The following GPR174 variants were observed in gnomAD, a reference collection of about 807,000 sequenced individuals.
GPR174 encodes the protein G protein-coupled receptor 174.
Under a neutral mutation model 16.5 loss-of-function variants are expected in GPR174, and 8 were observed. The observed-to-expected ratio is 0.48, with a 90% CI of 0.28 to 0.87. The LOEUF is 0.87. Ranked by LOEUF, GPR174 falls within the 40% of genes least tolerant of loss-of-function variation. The probability of loss-of-function intolerance (pLI) is 0.09; values close to 1 mark genes in which losing one functional copy is unlikely to be tolerated. For missense variants in GPR174, 214 were observed against 247.5 expected (o/e 0.86, Z 0.91); for synonymous variants, 111 against 94.8 (o/e 1.17, Z -0.99).
chrX:79,163,389 C>T (rs988427589), intron 2 of GPR174, among the ~76,000 whole-genome samples: 3 of 111,906 alleles, frequency 2.7e-5, no homozygotes, highest in Non-Finnish European at 5.6e-5. Flanking sequence ...AGGATATTTA[C>T]TAGTCTATTA....
At position 79,171,905 on chromosome X, in the gene GPR174, C is replaced by T. The variant is rs1034493027; in HGVS notation, c.898C>T (p.Arg300Ter). 4 of 1,210,577 alleles carry T rather than the reference C, an allele frequency of 3.3e-6. No homozygotes were observed. Among genetic ancestry groups the T allele is most frequent in the Non-Finnish European group, 4.5e-6 (4 of 894,999 alleles). Residue 300 changes from arginine (R) to a stop codon, truncating the protein, a stop_gained, in exon 3 of 3, where the codon CGA becomes TGA. Coordinates refer to ENST00000645147, the MANE Select transcript of GPR174 (RefSeq NM_032553.3). LOFTEE classifies it high-confidence loss of function. The part of the protein sequence containing the change: ...VIYYFSTNEF[R>*]RRLSRQDLHD... ...ATACTACTTTTCCACTAATGAGTTC[C>T]GAAGACGGCTTTCAAGACAAGATTT...
rs1021040242 is a variant in GPR174 at position 79,173,123 on chromosome X, C to T, written c.*1114C>T. 2.8e-4 allele frequency: 31 copies of T among 111,975 alleles called. 1 individual carries two copies. Among genetic ancestry groups the T allele is most frequent in the Admixed American group, 2.6e-3 (27 of 10,545 alleles). 9.2% of individuals were successfully genotyped at this position (111,975 alleles called of 1,213,427 possible). A position where few individuals can be genotyped will look rare whatever the true frequency, so the allele number is the denominator to read the frequency against. On this transcript the variant is annotated 3_prime_UTR_variant, in exon 3 of 3. Transcript: ENST00000645147. Reference sequence around the variant, plus strand: ...ACACAAGCCAGAGTAAGTCTCTCTGCCCCATCATTGCATACATATTACAGT... The same window carrying T: ...ACACAAGCCAGAGTAAGTCTCTCTGTCCCATCATTGCATACATATTACAGT...
At chrX:79,151,276 C>T (rs1223509757) in intron 1 of GPR174, among the ~76,000 whole-genome samples, 1 of 111,498 alleles carries the variant, frequency 9.0e-6, no homozygotes, top group Non-Finnish European at 1.9e-5. Flanking sequence ...TTTGCTTTCT[C>T]CATTTTACAG....
At position 79,171,967 on chromosome X, in the gene GPR174, G is replaced by C; in HGVS notation, c.960G>C (p.Val320=). 8.3e-7 allele frequency: 1 copy of C among 1,205,125 alleles called. No individual in the cohort carries two copies. Among genetic ancestry groups the C allele is most frequent in the South Asian group, 1.8e-5 (1 of 55,375 alleles). The change falls in exon 3 of 3, where the codon GTG becomes GTC. Residue 320 remains valine (V), a synonymous_variant. Transcript: ENST00000645147. ...TCCAACTCCATGCAAAATCCTTTGT[G>C]AGTAACCATACAGCTTCCACCATGA... ...DSIQLHAKSF[V]SNHTASTMTP... is the part of the protein sequence containing the mutation.
intron 2 of GPR174, among the ~76,000 whole-genome samples, chrX:79,163,999 T>G (rs769659166): frequency 9.0e-6 from 1 of 111,718 alleles, no homozygotes. Flanking sequence ...TCAATATATA[T>G]GATGCCATCT....
At chrX:79,149,902 C>A (rs1283940877) in intron 1 of GPR174, among the ~76,000 whole-genome samples, 1 of 103,491 alleles carries the variant, frequency 9.7e-6, no homozygotes, top group Non-Finnish European at 2.0e-5. Context: ...GAGAAAAGGG[C>A]TGTTTTTCAG....
chrX:79,161,837 T>C (rs1921240982), intron 2 of GPR174, among the ~76,000 whole-genome samples: 1 of 112,011 alleles, frequency 8.9e-6, no homozygotes, highest in South Asian at 3.7e-4. Flanking sequence ...CAGGCTATGA[T>C]AGGGAAAATA....
chrX:79,150,115 T>C (rs930016621), intron 1 of GPR174, among the ~76,000 whole-genome samples: 1 of 111,647 alleles, frequency 9.0e-6, no homozygotes, highest in African/African-American at 3.3e-5. Flanking sequence ...ATCTGTGACA[T>C]AGTCCAATAG....
chrX:79,161,756 T>G (rs1921239417), intron 2 of GPR174, among the ~76,000 whole-genome samples: 1 of 111,871 alleles, frequency 8.9e-6, no homozygotes, highest in South Asian at 3.7e-4. Flanking sequence ...GTTCAACATA[T>G]TTTTGGGTAC....
chrX:79,159,062 A>G (rs1921170720), intron 2 of GPR174, among the ~76,000 whole-genome samples: 1 of 110,961 alleles, frequency 9.0e-6, no homozygotes, highest in Non-Finnish European at 1.9e-5. Flanking sequence ...ACATAGAAAA[A>G]AGTAACAATC....
chrX:79,170,855 A>C lies in GPR174; in HGVS notation c.-153A>C. ...TTTGAAAAATCCCCAAATCATACGT[A>C]GAGACTCAGACAGATGTGGTAAAAA... On this transcript the variant is annotated 5_prime_UTR_variant, in exon 3 of 3. Transcript: ENST00000645147. The C allele has an allele frequency of 2.1e-6, 1 of 467,108 alleles. No homozygotes were observed. Among genetic ancestry groups the C allele is most frequent in the South Asian group, 3.9e-5 (1 of 25,541 alleles). The allele number at this position is 467,108 out of a possible 1,213,427, so 38.5% of individuals were successfully genotyped here.
intron 1 of GPR174, among the ~76,000 whole-genome samples, chrX:79,154,783 T>C (rs1921057729): frequency 9.0e-6 from 1 of 110,805 alleles, no homozygotes; most frequent in Non-Finnish European, 1.9e-5. Flanking sequence ...CACTAATTAG[T>C]GATAAGGCCA....
At chrX:79,157,936 T>A (rs909075784) in intron 2 of GPR174, among the ~76,000 whole-genome samples, 1 of 109,371 alleles carries the variant, frequency 9.1e-6, no homozygotes, top group Non-Finnish European at 1.9e-5. Flanking sequence ...CATTGTAGCA[T>A]TATGTTATAC....
At chrX:79,167,553 T>C (rs188246695) in intron 2 of GPR174, among the ~76,000 whole-genome samples, 37 of 110,278 alleles carry the variant, frequency 3.4e-4, no homozygotes, top group Non-Finnish European at 6.1e-4. Context: ...GCCCGTGAGG[T>C]CCTCAATACC....
rs1433305742 is a variant in GPR174, at chrX:79,171,947, C to A, written c.940C>A (p.Leu314Ile). 8.3e-7 allele frequency: 1 copy of A among 1,208,507 alleles called. No individual in the cohort carries two copies. The highest frequency in any genetic ancestry group is 2.2e-5 in the Admixed American group (1 of 45,674). ...SRQDLHDSIQ[L>I]HAKSFVSNHT... is the part of the protein sequence containing the mutation. Reference sequence around the variant, plus strand: ...ACAAGATTTGCATGACAGCATCCAACTCCATGCAAAATCCTTTGTGAGTAA... The same window carrying A: ...ACAAGATTTGCATGACAGCATCCAAATCCATGCAAAATCCTTTGTGAGTAA... The change falls in exon 3 of 3, where the codon CTC becomes ATC. Residue 314 changes from leucine to isoleucine, a missense_variant. Physicochemically the swap from Leu to Ile is conservative, Grantham distance 5. Coordinates refer to ENST00000645147, the MANE Select transcript of GPR174 (RefSeq NM_032553.3).
In GPR174 at chrX:79,158,717, C is replaced by T. The variant is rs767808476; in HGVS notation, c.-557+1799C>T. Among the ~76,000 whole-genome samples the T allele has an allele frequency of 6.6e-5, 7 of 105,631 alleles. No individual in the cohort carries two copies. In the East Asian group the frequency reaches 2.0e-3, roughly 31 times the overall value. The allele number at this position is 105,631 out of a possible 115,157, so 91.7% of individuals were successfully genotyped here. On this transcript the variant is annotated intron_variant, in intron 2 of 2. Transcript: ENST00000645147. ...TCAGCCTGCCCAAGTGCTGGGATTA[C>T]AGGTGTGAGCCACCGCACCCAGCCG...
rs757375346 is a variant in GPR174 at position 79,163,321 on chromosome X, A to G, written c.-557+6403A>G. ...TGAATTTGTTTTTGCCTTCTGAAAT[A>G]CTGCTGAGTGTTACTGATATTATGC... On this transcript the variant is annotated intron_variant, in intron 2 of 2. Transcript: ENST00000645147. Among the ~76,000 whole-genome samples the G allele has an allele frequency of 8.0e-5, 9 of 112,232 alleles. No homozygotes were observed. The East Asian group carries it at 2.2e-3, about 28-fold the overall frequency.
intron 2 of GPR174, among the ~76,000 whole-genome samples, chrX:79,161,153 T>C (rs779265754): frequency 8.9e-6 from 1 of 112,019 alleles, no homozygotes; most frequent in African/African-American, 3.2e-5. Flanking sequence ...AACAAACAAT[T>C]GGCTTTCCAA....
intron 2 of GPR174, among the ~76,000 whole-genome samples, chrX:79,169,158 G>C (rs1286452344): frequency 9.1e-6 from 1 of 110,286 alleles, no homozygotes; most frequent in Non-Finnish European, 1.9e-5. Flanking sequence ...TTTTTTCCTC[G>C]TACCAAGAAA....
Sources: gnomAD v4.1 joint callset for allele counts (sites outside exome capture counted in the v4.1 genomes callset) on GRCh38, gnomAD v4.1.1 for gene constraint, MANE v1.5 for transcripts, NCBI Gene and HGNC (gene_info 2026-07-23, HGNC 2026-07-21) for gene names.